The following FARS2 variants were observed in gnomAD, a reference collection of about 807,000 sequenced individuals.
FARS2 encodes the protein phenylalanyl-tRNA synthetase 2, mitochondrial, also known as phenylalanine--tRNA ligase, mitochondrial.
A neutral mutation model predicts 46.4 loss-of-function variants in FARS2; 40 were observed. The ratio of observed to expected loss-of-function variants is 0.86; its 90% CI spans 0.67 to 1.12. The LOEUF (loss-of-function observed/expected upper bound fraction) is 1.12, where lower values mean the gene tolerates loss of function less well. FARS2 is among the 50% of genes most tolerant of loss of function. The pLI is 0.00. For synonymous variants in FARS2, 234 were observed against 214.9 expected (o/e 1.09, Z -0.78); for missense variants, 513 against 567.9 (o/e 0.90, Z 0.98).
chr6:5,512,811 T>C (rs966780455), intron 4 of FARS2, among the ~76,000 whole-genome samples: 1 of 152,074 alleles, frequency 6.6e-6, no homozygotes, highest in African/African-American at 2.4e-5. Flanking sequence ...GTGCTAGGTG[T>C]CATTAGTAGG....
chr6:5,621,400 G>T (rs1775771243), intron 6 of FARS2, among the ~76,000 whole-genome samples: 2 of 152,086 alleles, frequency 1.3e-5, no homozygotes, highest in East Asian at 3.9e-4. Flanking sequence ...CAAGATCCCG[G>T]TTTTTATGGA....
At chr6:5,681,461 C>T (rs1332470542) in intron 6 of FARS2, among the ~76,000 whole-genome samples, 1 of 152,214 alleles carries the variant, frequency 6.6e-6, no homozygotes, top group African/African-American at 2.4e-5. Context: ...GCTCACAGGA[C>T]TACAGGTGAT....
intron 6 of FARS2, among the ~76,000 whole-genome samples, chr6:5,710,475 G>C (rs1310122833): frequency 1.3e-5 from 2 of 152,098 alleles, no homozygotes; most frequent in African/African-American, 4.8e-5. Flanking sequence ...AGGGTTTTCA[G>C]ACATTGGACA....
intron 1 of FARS2, among the ~76,000 whole-genome samples, chr6:5,365,624 T>C (rs374650363): frequency 6.6e-6 from 1 of 151,092 alleles, no homozygotes; most frequent in East Asian, 2.0e-4. Context: ...AGTGTTAGGA[T>C]CATAGGCGTG....
At chr6:5,409,457 A>G (rs1310533552) in intron 3 of FARS2, among the ~76,000 whole-genome samples, 1 of 152,182 alleles carries the variant, frequency 6.6e-6, no homozygotes, top group Non-Finnish European at 1.5e-5. Flanking sequence ...TCAAAAAAAA[A>G]AAGAAACTTA....
At chr6:5,686,206 T>A (rs58316826) in intron 6 of FARS2, among the ~76,000 whole-genome samples, 73,993 of 151,534 alleles carry the variant, frequency 0.49, 18,348 homozygotes, top group African/African-American at 0.53. Context: ...TGAACTTTTT[T>A]TAATTATTAT....
intron 4 of FARS2, among the ~76,000 whole-genome samples, chr6:5,493,971 T>C (rs1767290087): frequency 6.6e-6 from 1 of 152,214 alleles, no homozygotes; most frequent in Non-Finnish European, 1.5e-5. Context: ...GACAGTGTCA[T>C]GTGATACAAT....
intron 6 of FARS2, among the ~76,000 whole-genome samples, chr6:5,687,418 G>A (rs986985695): frequency 3.3e-5 from 5 of 152,102 alleles, no homozygotes; most frequent in Non-Finnish European, 7.4e-5. Context: ...TCTACATATG[G>A]CTAGCCAGTT....
intron 6 of FARS2, among the ~76,000 whole-genome samples, chr6:5,635,386 T>G (rs542114209): frequency 2.0e-5 from 3 of 152,282 alleles, no homozygotes; most frequent in South Asian, 4.1e-4. Context: ...TAAAATTACT[T>G]TCTTAAGGTC....
At chr6:5,379,036 C>G (rs1288316693) in intron 2 of FARS2, among the ~76,000 whole-genome samples, 2 of 152,220 alleles carry the variant, frequency 1.3e-5, no homozygotes, top group Non-Finnish European at 2.9e-5. Context: ...TGAGACTCAT[C>G]ACTGCCTTGT....
rs183647453 is a variant in FARS2 at position 5,294,381 on chromosome 6, C to T, written c.-22+32721C>T. 7.2e-5 allele frequency among the ~76,000 whole-genome samples: 11 copies of T among 152,214 alleles called. No individual in the cohort carries two copies. In the East Asian group the frequency reaches 1.9e-3, roughly 27 times the overall value. On this transcript the variant is annotated intron_variant, in intron 1 of 6. Transcript: ENST00000274680. ...TCTCTAACTGCGTTTTTCCTCTACT[C>T]TTCACACTACAACAATCATCAACAC...
intron 6 of FARS2, among the ~76,000 whole-genome samples, chr6:5,691,299 T>G (rs908548404): frequency 6.6e-6 from 1 of 152,184 alleles, no homozygotes; most frequent in Non-Finnish European, 1.5e-5. Context: ...GCTGCTCTGT[T>G]TTTTCCCCAT....
chr6:5,698,745 C>T (rs1758248968), intron 6 of FARS2, among the ~76,000 whole-genome samples: 3 of 152,214 alleles, frequency 2.0e-5, no homozygotes, highest in Admixed American at 1.3e-4. Flanking sequence ...CAGTCAGGAT[C>T]GCCCAGGCTT....
chr6:5,456,960 TGGTAAGG>T (rs1279915109), intron 4 of FARS2: 1 of 152,132 alleles, frequency 6.6e-6, no homozygotes, highest in African/African-American at 2.4e-5. Flanking sequence ...TACCTCGCCT[TGGTAAGG>T]GTCTCCCCTG....
chr6:5,697,622 G>A (rs945531088), intron 6 of FARS2, among the ~76,000 whole-genome samples: 1 of 152,194 alleles, frequency 6.6e-6, no homozygotes, highest in Non-Finnish European at 1.5e-5. Flanking sequence ...TGAGAAATAA[G>A]TATGGCTTTC....
intron 5 of FARS2, among the ~76,000 whole-genome samples, chr6:5,565,950 T>G (rs1772298251): frequency 6.6e-6 from 1 of 152,258 alleles, no homozygotes; most frequent in African/African-American, 2.4e-5. Flanking sequence ...CCAATTCGTT[T>G]ACATGAAACC....
intron 1 of FARS2, among the ~76,000 whole-genome samples, chr6:5,355,381 T>G (rs1311275575): frequency 6.7e-6 from 1 of 150,090 alleles, no homozygotes; most frequent in South Asian, 2.1e-4. Flanking sequence ...TTTGTTTTTT[T>G]TTTTTTTTTG....
rs373472199 is a variant in FARS2, at chr6:5,660,674, C to T, written c.1217+47354C>T. Among the ~76,000 whole-genome samples, 416 of 141,956 alleles carry T rather than the reference C, an allele frequency of 2.9e-3. 2 individuals are homozygous for T. Among genetic ancestry groups the T allele is most frequent in the African/African-American group, 0.011 (406 of 37,678 alleles). 93.1% of individuals were successfully genotyped at this position (141,956 alleles called of 152,430 possible). ...AGAAAAAAAAAAAAAAAAAAAGTAA[C>T]AGTGAGCAGTGGAGTCAAGGTTGAG... On this transcript the variant is annotated intron_variant, in intron 6 of 6. Coordinates refer to ENST00000274680, the MANE Select transcript of FARS2 (RefSeq NM_006567.5).
At chr6:5,363,833 A>G (rs147238563) in intron 1 of FARS2, among the ~76,000 whole-genome samples, 5 of 152,332 alleles carry the variant, frequency 3.3e-5, no homozygotes, top group African/African-American at 1.2e-4. Context: ...GCCCACTTAT[A>G]TCTTGCTCTT....
Sources: gnomAD v4.1 joint callset for allele counts (sites outside exome capture counted in the v4.1 genomes callset) on GRCh38, gnomAD v4.1.1 for gene constraint, MANE v1.5 for transcripts, NCBI Gene and HGNC (gene_info 2026-07-23, HGNC 2026-07-21) for gene names.